IFNAR2: variants seen among roughly 807,000 people sequenced by gnomAD.
The protein encoded by IFNAR2 is interferon alpha/beta receptor 2.
IFNAR2 carries 30 observed loss-of-function variants against 49.4 expected under a neutral mutation model. That is an observed-to-expected ratio of 0.61 (90% CI 0.45 to 0.82). The LOEUF (loss-of-function observed/expected upper bound fraction) is 0.82. Ranked by LOEUF, IFNAR2 falls within the 40% of genes least tolerant of loss-of-function variation. IFNAR2 has a pLI of 0.00. For missense variants in IFNAR2, 600 were observed against 622.7 expected (o/e 0.96, Z 0.39); for synonymous variants, 224 against 234.5 (o/e 0.96, Z 0.41).
chr21:33,250,739 G>C (rs550973301), intron 6 of IFNAR2, among the ~76,000 whole-genome samples: 5 of 152,208 alleles, frequency 3.3e-5, no homozygotes, highest in Admixed American at 2.6e-4. Flanking sequence ...GGGTTTCACT[G>C]TGTTGGCCAG....
At chr21:33,252,334 C>G in intron 6 of IFNAR2, 1 of 644,456 alleles carries the variant, frequency 1.6e-6, no homozygotes, top group East Asian at 6.2e-5. Context: ...TAGACACACA[C>G]TGTCCATGAG....
chr21:33,243,738 C>A (rs1425283481), intron 3 of IFNAR2, 24 bp downstream of exon 3: 1 of 1,577,536 alleles, frequency 6.3e-7, no homozygotes, highest in Non-Finnish European at 8.7e-7. Context: ...TTTGGCTTCA[C>A]TAAATTTTGT....
chr21:33,236,739 G>T, intron 1 of IFNAR2: 1 of 985,196 alleles, frequency 1.0e-6, no homozygotes, highest in Non-Finnish European at 1.2e-6. Flanking sequence ...GTGAGCTGGG[G>T]CTCCTAGCAC....
In IFNAR2 at chr21:33,230,511, A is replaced by G; in HGVS notation, c.-84+295A>G. ...GTTGCACCCCTCCGCGTCCCACCCC[A>G]CCCCACCAAGGATGCCCAGGATACC... is the stretch of plus-strand genomic sequence containing the variant. On this transcript the variant is annotated intron_variant, in intron 1 of 8. Coordinates refer to ENST00000342136, the MANE Select transcript of IFNAR2 (RefSeq NM_001289125.3). The surrounding 1 kb of genome is among the most constrained non-coding windows in gnomAD (Gnocchi z 5.5). 2.1e-6 allele frequency: 1 copy of G among 468,738 alleles called. No homozygotes were observed. The highest frequency in any genetic ancestry group is 1.6e-5 in the South Asian group (1 of 64,356). The allele number at this position is 468,738 out of a possible 1,614,324, so 29.0% of individuals were successfully genotyped here. A position where few individuals can be genotyped will look rare whatever the true frequency, so the allele number is the denominator to read the frequency against.
chr21:33,253,515 C>T (rs1032168117), intron 7 of IFNAR2, among the ~76,000 whole-genome samples: 1 of 152,064 alleles, frequency 6.6e-6, no homozygotes, highest in Non-Finnish European at 1.5e-5. Flanking sequence ...ATGTCCCAAC[C>T]GCAGTGTTAG....
Position 33,248,633 on chromosome 21 carries a change from GA to G in IFNAR2, c.395-74del. 2.1e-6 allele frequency: 3 copies of G among 1,419,116 alleles called. No individual in the cohort carries two copies. The South Asian group carries it at 4.4e-5, about 21-fold the overall frequency. 87.9% of individuals were successfully genotyped at this position (1,419,116 alleles called of 1,614,324 possible). A position where few individuals can be genotyped will look rare whatever the true frequency, so the allele number is the denominator to read the frequency against. On this transcript the variant is annotated intron_variant, in intron 5 of 8. Transcript: ENST00000342136. ...GGCAGATTTTCTATACAGGGCCAGA[GA>G]AGAACCACTTTAGACTTTGTGGGCC...
intron 5 of IFNAR2, 64 bp downstream of exon 5, chr21:33,246,954 C>T (rs781313418): frequency 6.9e-5 from 98 of 1,410,710 alleles, no homozygotes; most frequent in Non-Finnish European, 9.3e-5. Flanking sequence ...TTTGCTATTC[C>T]ATGAAATAGG....
rs1210648413 is a variant in IFNAR2 at position 33,265,448 on chromosome 21, A to G, written c.*1948A>G. The G allele has an allele frequency of 1.3e-5, 2 of 154,220 alleles. No individual in the cohort carries two copies. The highest frequency in any genetic ancestry group is 2.9e-5 in the Non-Finnish European group (2 of 69,010). 9.6% of individuals were successfully genotyped at this position (154,220 alleles called of 1,614,324 possible). A position where few individuals can be genotyped will look rare whatever the true frequency, so the allele number is the denominator to read the frequency against. On this transcript the variant is annotated 3_prime_UTR_variant, in exon 9 of 9. Coordinates refer to ENST00000342136, the MANE Select transcript of IFNAR2 (RefSeq NM_001289125.3). ...GCTGTGAGGAGGGAACACCTTATTT[A>G]ATCTAATGAAATTCCATAGGAAAGA...
chr21:33,232,792 A>G (rs1986160060), intron 1 of IFNAR2, among the ~76,000 whole-genome samples: 1 of 152,186 alleles, frequency 6.6e-6, no homozygotes, highest in South Asian at 2.1e-4. Context: ...CTTCTGGGCT[A>G]GAGAAATTGC....
At chr21:33,233,893 A>G (rs1214000632) in intron 1 of IFNAR2, among the ~76,000 whole-genome samples, 2 of 152,070 alleles carry the variant, frequency 1.3e-5, no homozygotes, top group African/African-American at 4.8e-5. Flanking sequence ...ATTAATCTAG[A>G]CAAAAATATA....
chr21:33,246,239 T>A (rs1239912885), intron 4 of IFNAR2, among the ~76,000 whole-genome samples: 2 of 151,866 alleles, frequency 1.3e-5, no homozygotes, highest in Admixed American at 1.3e-4. Context: ...CCCAGCTAAT[T>A]TTTTGTATTT....
In IFNAR2 at chr21:33,265,557, T is replaced by TA; in HGVS notation, c.*2059dup. On this transcript the variant is annotated 3_prime_UTR_variant, in exon 9 of 9. Transcript: ENST00000342136. ...AAGATTCTGGGTTGATCTTTTGCGA[T>TA]AACCTCTATGGCTGTGAGTGTGTGT... 6.2e-6 allele frequency: 1 copy of TA among 162,480 alleles called. No homozygotes were observed. The highest frequency in any genetic ancestry group is 1.3e-4 in the South Asian group (1 of 7,680). The allele number at this position is 162,480 out of a possible 1,614,324, so 10.1% of individuals were successfully genotyped here.
At chr21:33,254,969 G>A (rs1333773826) in intron 7 of IFNAR2, among the ~76,000 whole-genome samples, 1 of 152,194 alleles carries the variant, frequency 6.6e-6, no homozygotes, top group Non-Finnish European at 1.5e-5. Context: ...TGAATGAAGT[G>A]AGCCACGGAA....
chr21:33,259,428 A>C (rs1401203516), intron 7 of IFNAR2, among the ~76,000 whole-genome samples: 1 of 152,140 alleles, frequency 6.6e-6, no homozygotes, highest in African/African-American at 2.4e-5. Flanking sequence ...AACAAACAAA[A>C]ATTCTAAGTT....
At chr21:33,231,671 A>G (rs763830482) in intron 1 of IFNAR2, 2 of 984,484 alleles carry the variant, frequency 2.0e-6, no homozygotes, top group Non-Finnish European at 2.4e-6. Context: ...TAAACCTTCA[A>G]ACTGTTCAAG....
At position 33,263,700 on chromosome 21, in the gene IFNAR2, A is replaced by T. The variant is rs1988795771; in HGVS notation, c.*200A>T. On this transcript the variant is annotated 3_prime_UTR_variant, in exon 9 of 9. Coordinates refer to ENST00000342136, the MANE Select transcript of IFNAR2 (RefSeq NM_001289125.3). Reference sequence around the variant, plus strand: ...TAGTATCATTCAGTGCATTGTTTACATATTCAAAGTGGTGCACTTTGAAGG... The same window carrying T: ...TAGTATCATTCAGTGCATTGTTTACTTATTCAAAGTGGTGCACTTTGAAGG... 2 of 583,978 alleles carry T rather than the reference A, an allele frequency of 3.4e-6. No homozygotes were observed. The highest frequency in any genetic ancestry group is 6.1e-6 in the Non-Finnish European group (2 of 330,352). 36.2% of individuals were successfully genotyped at this position (583,978 alleles called of 1,614,324 possible).
rs747004525 is a variant in IFNAR2 at position 33,260,627 on chromosome 21, T to C, written c.740T>C (p.Ile247Thr). ...ESAESAKIGG[I>T]ITVFLIALVL... ...GCAGAATCTGCCAAAATAGGAGGAA[T>C]AATTACTGTGTTTTTGATAGCATTG... is the stretch of plus-strand genomic sequence containing the variant. Residue 247 changes from isoleucine (I) to threonine (T), a missense_variant, in exon 8 of 9, where the codon ATA becomes ACA. Transcript: ENST00000342136. The C allele has an allele frequency of 6.3e-7, 1 of 1,596,112 alleles. No individual in the cohort carries two copies. The highest frequency in any genetic ancestry group is 8.5e-7 in the Non-Finnish European group (1 of 1,174,646).
At chr21:33,234,368 AGG>A (rs1335113269) in intron 1 of IFNAR2, among the ~76,000 whole-genome samples, 1 of 152,222 alleles carries the variant, frequency 6.6e-6, no homozygotes, top group Non-Finnish European at 1.5e-5. Flanking sequence ...GCTGGATGGT[AGG>A]AATAAGGATG....
Position 33,246,798 on chromosome 21 carries a change from G to A in IFNAR2, c.302G>A (p.Ser101Asn). 6.2e-7 allele frequency: 1 copy of A among 1,613,736 alleles called. No individual in the cohort carries two copies. The change falls in exon 5 of 9, where the codon AGC becomes AAC. Residue 101 changes from serine (S) to asparagine (N), a missense_variant. Physicochemically the swap from Ser to Asn is conservative, Grantham distance 46 (BLOSUM62 1). Coordinates refer to ENST00000342136, the MANE Select transcript of IFNAR2 (RefSeq NM_001289125.3). ...SFCDLTDEWR[S>N]THEAYVTVLE... ...TGTGACCTCACAGATGAGTGGAGAA[G>A]CACACACGAGGCCTATGTCACCGTC...
Sources: gnomAD v4.1 joint callset for allele counts (sites outside exome capture counted in the v4.1 genomes callset) on GRCh38, gnomAD v4.1.1 for gene constraint, Gnocchi (gnomAD v3.1) non-coding constraint, MANE v1.5 for transcripts, NCBI Gene and HGNC (gene_info 2026-07-23, HGNC 2026-07-21) for gene names.